INTS7: variants seen among roughly 807,000 people sequenced by gnomAD.
INTS7 encodes the protein integrator complex subunit 7, also known as chromosome 1 open reading frame 73.
Under a neutral mutation model 109.2 loss-of-function variants are expected in INTS7, and 46 were observed. The ratio of observed to expected loss-of-function variants is 0.42; its 90% CI spans 0.33 to 0.54. The LOEUF (loss-of-function observed/expected upper bound fraction) is 0.54, where lower values mean the gene tolerates loss of function less well. Among genes scored for constraint, INTS7 ranks in the 20% least tolerant of loss-of-function variants. INTS7 has a pLI of 0.07. For missense variants in INTS7, 929 were observed against 1,132.4 expected (o/e 0.82, Z 2.58); for synonymous variants, 412 against 402.9 (o/e 1.02, Z -0.27).
At chr1:212,020,631 T>C in intron 2 of INTS7, 2 of 451,488 alleles carry the variant, frequency 4.4e-6, no homozygotes, top group Non-Finnish European at 6.0e-6. Flanking sequence ...TGTGTGCATA[T>C]GAGCACGAGT....
intron 4 of INTS7, among the ~76,000 whole-genome samples, chr1:212,015,408 C>G (rs1162388202): frequency 1.3e-5 from 2 of 151,974 alleles, no homozygotes; most frequent in East Asian, 3.9e-4. Flanking sequence ...TAACCTTACC[C>G]CCAACCCCCT....
chr1:211,991,582 TAAAATTAAAAATC>T lies in INTS7; in HGVS notation c.880-3592_880-3580del, dbSNP rs556205206. Among the ~76,000 whole-genome samples the T allele has an allele frequency of 1.8e-4, 28 of 152,312 alleles. 1 individual carries two copies. The South Asian group carries it at 5.6e-3, about 30-fold the overall frequency. On this transcript the variant is annotated intron_variant, in intron 7 of 19. Transcript: ENST00000366994. ...TGTGTTGGCATTTAAAAAACTGAATTAAAATTAAAAATCAAATGTAAGTGAGGTAACATCTACT... is the reference window on the plus strand; with the variant it reads ...TGTGTTGGCATTTAAAAAACTGAATTAAATGTAAGTGAGGTAACATCTACT...
rs565690719 is a variant in INTS7, at chr1:211,976,621, T to C, written c.1569A>G (p.Gly523=). 13 of 1,613,992 alleles carry C rather than the reference T, an allele frequency of 8.1e-6. No homozygotes were observed. In the South Asian group the frequency reaches 1.4e-4, roughly 18 times the overall value. ...GTCTGGCAATACGGTATACAGTCCA[T>C]CCATTGGAGACACTTTCAAGCTGCT... is the stretch of plus-strand genomic sequence containing the variant. ...IKQQLESVSN[G]WTVYRIARQA... The change falls in exon 12 of 20, where the codon GGA becomes GGG. Residue 523 remains glycine (G), a synonymous_variant. Coordinates refer to ENST00000366994, the MANE Select transcript of INTS7 (RefSeq NM_015434.4).
At chr1:212,016,592 G>C (rs1666453682) in intron 4 of INTS7, among the ~76,000 whole-genome samples, 1 of 152,184 alleles carries the variant, frequency 6.6e-6, no homozygotes, top group Non-Finnish European at 1.5e-5. Context: ...AAGCTCCTCA[G>C]TCAACAAAGC....
At chr1:211,977,539 T>C (rs929191533) in intron 11 of INTS7, among the ~76,000 whole-genome samples, 1 of 152,226 alleles carries the variant, frequency 6.6e-6, no homozygotes, top group Admixed American at 6.5e-5. Flanking sequence ...TTTTACACAA[T>C]TCCCTCTGGA....
At position 212,016,966 on chromosome 1, in the gene INTS7, A is replaced by T. The variant is rs1292810142; in HGVS notation, c.429T>A (p.Ile143=). 1.3e-5 allele frequency: 21 copies of T among 1,603,748 alleles called. No individual in the cohort carries two copies. The highest frequency in any genetic ancestry group is 1.8e-5 in the Non-Finnish European group (21 of 1,175,796). The part of the protein sequence containing the change: ...IPERKNAHHS[I]RQSLDSHDNV... Reference sequence around the variant, plus strand: ...TATCATGTGAATCTAAACTCTGACGAATACTATGATGAGCATTCTTCCTCT... The same window carrying T: ...TATCATGTGAATCTAAACTCTGACGTATACTATGATGAGCATTCTTCCTCT... The change falls in exon 4 of 20, where the codon ATT becomes ATA. Residue 143 remains isoleucine (I), a synonymous_variant. Transcript: ENST00000366994.
chr1:211,976,055 C>T (rs1363230793), intron 12 of INTS7, among the ~76,000 whole-genome samples: 1 of 151,444 alleles, frequency 6.6e-6, no homozygotes, highest in Non-Finnish European at 1.5e-5. Flanking sequence ...CCGCCTTGGC[C>T]TCTCACAAAG....
chr1:212,027,742 T>G (rs1299110297), intron 1 of INTS7, among the ~76,000 whole-genome samples: 1 of 152,262 alleles, frequency 6.6e-6, no homozygotes, highest in African/African-American at 2.4e-5. Context: ...AAAATATCTA[T>G]GCTATGGGTT....
chr1:211,969,616 T>C (rs115972775), intron 13 of INTS7, among the ~76,000 whole-genome samples: 3,750 of 144,390 alleles, frequency 0.026, 57 homozygotes, highest in African/African-American at 0.046. Context: ...AGTGCAGTGG[T>C]ACAATCATGT....
chr1:211,989,114 T>C (rs1274680270), intron 7 of INTS7, among the ~76,000 whole-genome samples: 1 of 152,076 alleles, frequency 6.6e-6, no homozygotes, highest in African/African-American at 2.4e-5. Context: ...AAGTTAAAAA[T>C]AACATTTCAG....
intron 13 of INTS7, 113 bp downstream of exon 13, chr1:211,975,053 C>T: frequency 4.3e-6 from 3 of 704,296 alleles, no homozygotes; most frequent in Non-Finnish European, 7.5e-6. Context: ...TTTCCATGAC[C>T]TATTTCATAT....
At chr1:211,999,594 T>C (rs1390362839) in intron 7 of INTS7, among the ~76,000 whole-genome samples, 1 of 152,182 alleles carries the variant, frequency 6.6e-6, no homozygotes, top group African/African-American at 2.4e-5. Flanking sequence ...AAATAAATTA[T>C]ACCATAATAA....
chr1:211,968,435 T>C lies in INTS7; in HGVS notation c.2010+78A>G, dbSNP rs1664010056. 7 of 1,244,480 alleles carry C rather than the reference T, an allele frequency of 5.6e-6. No individual in the cohort carries two copies. In the East Asian group the frequency reaches 1.6e-4, roughly 29 times the overall value. The allele number at this position is 1,244,480 out of a possible 1,614,324, so 77.1% of individuals were successfully genotyped here. ...TGTCTGAGTCAAACCACTGATTTTA[T>C]ATTTTACAACTTTTCATCTTATAAC... On this transcript the variant is annotated intron_variant, in intron 14 of 19. Coordinates refer to ENST00000366994, the MANE Select transcript of INTS7 (RefSeq NM_015434.4).
At chr1:212,024,637 T>C (rs1166887095) in intron 1 of INTS7, among the ~76,000 whole-genome samples, 2 of 152,202 alleles carry the variant, frequency 1.3e-5, no homozygotes, top group Non-Finnish European at 2.9e-5. Flanking sequence ...AGTGGATGAA[T>C]AAACAAATTG....
At chr1:212,019,714 A>G (rs761181028) in intron 3 of INTS7, among the ~76,000 whole-genome samples, 3 of 152,234 alleles carry the variant, frequency 2.0e-5, no homozygotes, top group South Asian at 2.1e-4. Flanking sequence ...ATGTTCTCCA[A>G]TGAAATCAAA....
At chr1:211,944,564 G>C (rs1036363296) in intron 19 of INTS7, among the ~76,000 whole-genome samples, 2 of 152,204 alleles carry the variant, frequency 1.3e-5, no homozygotes, top group African/African-American at 4.8e-5. Context: ...CTCATATTTT[G>C]ATCTTTGCCT....
chr1:212,000,718 A>G (rs1181863729), intron 7 of INTS7, among the ~76,000 whole-genome samples: 1 of 152,154 alleles, frequency 6.6e-6, no homozygotes, highest in Non-Finnish European at 1.5e-5. Flanking sequence ...TTTTAACCAT[A>G]CCTAATGACC....
chr1:212,015,518 T>G (rs1666386808), intron 4 of INTS7, among the ~76,000 whole-genome samples: 1 of 151,848 alleles, frequency 6.6e-6, no homozygotes, highest in South Asian at 2.1e-4. Context: ...GCATACTCGT[T>G]AAGAGTCATC....
At position 211,944,882 on chromosome 1, in the gene INTS7, C is replaced by G; in HGVS notation, c.2503G>C (p.Val835Leu). Residue 835 changes from valine (V) to leucine (L), a missense_variant, in exon 19 of 20, where the codon GTT (valine) becomes CTT (leucine). Val to Leu is a conservative substitution (Grantham distance 32). Coordinates refer to ENST00000366994, the MANE Select transcript of INTS7 (RefSeq NM_015434.4). ...QQLALKVEGV[V>L]QHGSKPGLFR... The stretch of plus-strand genomic sequence containing the variant: ...AGTCCTGGTTTAGATCCGTGCTGAA[C>G]CACTCCCTCTACCTTTAGCGCCAGC... 1.2e-6 allele frequency: 2 copies of G among 1,614,132 alleles called. No homozygotes were observed. The highest frequency in any genetic ancestry group is 1.7e-6 in the Non-Finnish European group (2 of 1,179,974).
Sources: gnomAD v4.1 joint callset for allele counts (sites outside exome capture counted in the v4.1 genomes callset) on GRCh38, gnomAD v4.1.1 for gene constraint, MANE v1.5 for transcripts, NCBI Gene and HGNC (gene_info 2026-07-23, HGNC 2026-07-21) for gene names.